The following TAF13 variants were observed in gnomAD, a reference collection of about 807,000 sequenced individuals.
TAF13 encodes transcription initiation factor TFIID subunit 13.
A neutral mutation model predicts 18.7 loss-of-function variants in TAF13; 9 were observed. The observed-to-expected ratio is 0.48, with a 90% CI of 0.29 to 0.84. The LOEUF (loss-of-function observed/expected upper bound fraction) is 0.84, where lower values mean the gene tolerates loss of function less well. Ranked by LOEUF, TAF13 falls within the 40% of genes least tolerant of loss-of-function variation. The probability of loss-of-function intolerance (pLI) is 0.08; values close to 1 mark genes in which losing one functional copy is unlikely to be tolerated. For synonymous variants in TAF13, 49 were observed against 44.1 expected, an observed-to-expected ratio of 1.11 and a Z score of -0.44; for missense variants, 105 against 146.5, an observed-to-expected ratio of 0.72 and a Z score of 1.46.
rs1434161334 is a variant in TAF13 at position 109,064,240 on chromosome 1, C to T, written c.*283G>A. 1 of 173,226 alleles carries T rather than the reference C, an allele frequency of 5.8e-6. No homozygotes were observed. The highest frequency in any genetic ancestry group is 1.2e-5 in the Non-Finnish European group (1 of 84,714). The allele number at this position is 173,226 out of a possible 1,614,324, so 10.7% of individuals were successfully genotyped here. On this transcript the variant is annotated 3_prime_UTR_variant, in exon 4 of 4. Transcript: ENST00000338366. ...CTAACACATTAAATACTACTTTATCCTTTAAATAGTCAAAAGTCAGAACAA... is the reference window on the plus strand; with the variant it reads ...CTAACACATTAAATACTACTTTATCTTTTAAATAGTCAAAAGTCAGAACAA...
chr1:109,067,675 C>T (rs138730232), intron 2 of TAF13, among the ~76,000 whole-genome samples: 90 of 152,150 alleles, frequency 5.9e-4, no homozygotes, highest in African/African-American at 2.0e-3. Context: ...CTAATACAGA[C>T]AAATAAAAAT....
At chr1:109,066,743 G>C (rs1464156295) in intron 2 of TAF13, among the ~76,000 whole-genome samples, 1 of 152,102 alleles carries the variant, frequency 6.6e-6, no homozygotes, top group African/African-American at 2.4e-5. Flanking sequence ...TTGAGACAGA[G>C]TCTCGCTCTG....
chr1:109,069,094 T>C (rs1557985011), intron 2 of TAF13, among the ~76,000 whole-genome samples: 2 of 152,188 alleles, frequency 1.3e-5, no homozygotes, highest in South Asian at 2.1e-4. Flanking sequence ...CTGGGAATAA[T>C]TATAACTTTT....
rs1264212578 is a variant in TAF13, at chr1:109,074,736, C to T, written c.106+251G>A. On this transcript the variant is annotated intron_variant, in intron 2 of 3. Coordinates refer to ENST00000338366, the MANE Select transcript of TAF13 (RefSeq NM_005645.4). ...CGGAGCTTGCAGTGAGCAGAGATTG[C>T]GCCACTGCACTCCAGCCTGGGCGAC... Among the ~76,000 whole-genome samples the T allele has an allele frequency of 5.3e-5, 8 of 151,312 alleles. No homozygotes were observed. In the East Asian group the frequency reaches 5.8e-4, roughly 11 times the overall value.
rs148869652 is a variant in TAF13, at chr1:109,075,949, C to T, written c.-2G>A. The T allele has an allele frequency of 2.4e-3, 3,919 of 1,614,206 alleles. 26 individuals carry two copies. Among genetic ancestry groups the T allele is most frequent in the Middle Eastern group, 0.016 (97 of 6,062 alleles). On this transcript the variant is annotated 5_prime_UTR_variant, in exon 1 of 4. Transcript: ENST00000338366. ...GGGGTCTTCTTCCTCATCTGCCATC[C>T]CACTAGCACGCCAACTCACAGCGTC...
chr1:109,074,127 G>A (rs907351351), intron 2 of TAF13, among the ~76,000 whole-genome samples: 7 of 152,342 alleles, frequency 4.6e-5, no homozygotes, highest in South Asian at 2.1e-4. Flanking sequence ...CGGTTTTGTC[G>A]AATAGAAAAC....
At chr1:109,074,091 T>C (rs972585889) in intron 2 of TAF13, among the ~76,000 whole-genome samples, 1 of 152,186 alleles carries the variant, frequency 6.6e-6, no homozygotes, top group Non-Finnish European at 1.5e-5. Flanking sequence ...CAACAGTTCA[T>C]TGAGAACGGG....
chr1:109,065,013 G>A (rs1354171925), intron 3 of TAF13, among the ~76,000 whole-genome samples: 1 of 151,718 alleles, frequency 6.6e-6, no homozygotes, highest in Non-Finnish European at 1.5e-5. Flanking sequence ...ATAATTTTGT[G>A]TACCCACCCA....
chr1:109,072,180 G>A (rs1435934933), intron 2 of TAF13, among the ~76,000 whole-genome samples: 1 of 146,528 alleles, frequency 6.8e-6, no homozygotes, highest in African/African-American at 2.5e-5. Flanking sequence ...TTTGGGAACT[G>A]CTCACATATA....
intron 2 of TAF13, among the ~76,000 whole-genome samples, chr1:109,073,936 G>A (rs1664129524): frequency 6.6e-6 from 1 of 151,614 alleles, no homozygotes; most frequent in Non-Finnish European, 1.5e-5. Flanking sequence ...CCGCTGCCCG[G>A]CCGCCACCCC....
At chr1:109,075,874 C>T (rs557554168) in intron 1 of TAF13, 47 bp downstream of exon 1, 2 of 1,613,812 alleles carry the variant, frequency 1.2e-6, no homozygotes, top group East Asian at 2.2e-5. Flanking sequence ...CTACTGAGCC[C>T]GAAGGAGTGA....
At chr1:109,072,883 C>A (rs1054289639) in intron 2 of TAF13, among the ~76,000 whole-genome samples, 1 of 151,052 alleles carries the variant, frequency 6.6e-6, no homozygotes, top group African/African-American at 2.4e-5. Context: ...TGGGTTCAAG[C>A]GAGCACGTCT....
chr1:109,075,062 CA>C lies in TAF13; in HGVS notation c.30del (p.Phe10LeufsTer30). The C allele has an allele frequency of 6.2e-7, 1 of 1,605,608 alleles. No homozygotes were observed. The highest frequency in any genetic ancestry group is 8.5e-7 in the Non-Finnish European group (1 of 1,177,034). On this transcript the variant is annotated frameshift_variant and splice_region_variant, in exon 2 of 4. Coordinates refer to ENST00000338366, the MANE Select transcript of TAF13 (RefSeq NM_005645.4). LOFTEE classifies it high-confidence loss of function. Reference protein sequence around the residue: MADEEEDPTFEEENEEIGGG... With the variant: MADEEEDPTXEEENEEIGGG... ...CCTCCAATTTCTTCATTTTCTTCCT[CA>C]AACTAGAAGTTAAAATGTATATATA...
chr1:109,072,508 A>G (rs1345844012), intron 2 of TAF13, among the ~76,000 whole-genome samples: 2 of 152,074 alleles, frequency 1.3e-5, no homozygotes, highest in Non-Finnish European at 2.9e-5. Context: ...GCAGTGGTGC[A>G]ATCTGGGCTC....
intron 3 of TAF13, among the ~76,000 whole-genome samples, chr1:109,065,651 G>A (rs144105740): frequency 0.02 from 3,096 of 152,046 alleles, 101 homozygotes; most frequent in African/African-American, 0.07. Flanking sequence ...GGCTGGGCGC[G>A]TTGGCTCACG....
chr1:109,065,498 C>T (rs1299208740), intron 3 of TAF13, among the ~76,000 whole-genome samples: 2 of 149,412 alleles, frequency 1.3e-5, no homozygotes, highest in Admixed American at 6.7e-5. Flanking sequence ...CACACACAGA[C>T]ACACACACAC....
At chr1:109,067,403 A>C (rs1663969197) in intron 2 of TAF13, among the ~76,000 whole-genome samples, 1 of 151,876 alleles carries the variant, frequency 6.6e-6, no homozygotes, top group Non-Finnish European at 1.5e-5. Context: ...GTTTGAGATC[A>C]GCCTGGCCAA....
chr1:109,067,674 A>G (rs987810933), intron 2 of TAF13, among the ~76,000 whole-genome samples: 36 of 152,176 alleles, frequency 2.4e-4, no homozygotes, highest in Admixed American at 6.6e-5. Context: ...TCTAATACAG[A>G]CAAATAAAAA....
At chr1:109,071,412 G>A (rs1465724751) in intron 2 of TAF13, among the ~76,000 whole-genome samples, 1 of 150,276 alleles carries the variant, frequency 6.7e-6, no homozygotes, top group Non-Finnish European at 1.5e-5. Flanking sequence ...CTGCACTCCA[G>A]CCTGGGTGAC....
Sources: allele counts gnomAD v4.1 joint callset (sites outside exome capture counted in the v4.1 genomes callset), GRCh38; gene constraint gnomAD v4.1.1; transcripts MANE v1.5; gene names NCBI Gene and HGNC (gene_info 2026-07-23, HGNC 2026-07-21).